Variants in CSMD1 observed in about 807,000 individuals in gnomAD.
CSMD1 encodes CUB and Sushi multiple domains 1, also known as CUB and sushi domain-containing protein 1.
CSMD1 carries 213 observed loss-of-function variants against 417.5 expected under a neutral mutation model. The ratio of observed to expected loss-of-function variants is 0.51; its 90% confidence interval spans 0.46 to 0.57. The LOEUF (loss-of-function observed/expected upper bound fraction) is 0.57, where lower values mean the gene tolerates loss of function less well. Among genes scored for constraint, CSMD1 ranks in the 20% least tolerant of loss-of-function variants. CSMD1 has a pLI of 0.00. For missense variants in CSMD1, 6,923 were observed against 4,529.7 expected, an observed-to-expected ratio of 1.53 and a Z score of -15.17; for synonymous variants, 2,862 against 1,736.8, an observed-to-expected ratio of 1.65 and a Z score of -16.11.
chr8:4,737,668 T>G (rs1309670408), intron 1 of CSMD1, among the ~76,000 whole-genome samples: 1 of 152,190 alleles, frequency 6.6e-6, no homozygotes, highest in African/African-American at 2.4e-5. Flanking sequence ...AGAGACAGGT[T>G]GGATGAATGC....
chr8:3,358,488 G>GTA (rs1808944381), intron 21 of CSMD1, among the ~76,000 whole-genome samples: 1 of 151,998 alleles, frequency 6.6e-6, no homozygotes, highest in African/African-American at 2.4e-5. Context: ...TTCTTAGAGT[G>GTA]GCACAGTTCC....
chr8:4,189,011 C>T (rs781666030), intron 3 of CSMD1, among the ~76,000 whole-genome samples: 21 of 152,156 alleles, frequency 1.4e-4, no homozygotes, highest in Non-Finnish European at 2.1e-4. Context: ...CAGAAATACA[C>T]GGTTACTGGG....
At chr8:4,013,311 G>T (rs551417965) in intron 4 of CSMD1, among the ~76,000 whole-genome samples, 1 of 151,886 alleles carries the variant, frequency 6.6e-6, no homozygotes, top group East Asian at 1.9e-4. Flanking sequence ...TCTATTCTTC[G>T]TTCACTCACC....
chr8:4,364,153 A>G (rs1248560470), intron 3 of CSMD1, among the ~76,000 whole-genome samples: 2 of 152,164 alleles, frequency 1.3e-5, no homozygotes, highest in East Asian at 3.9e-4. Flanking sequence ...TCTCTCTTGT[A>G]CTTCATAAAT....
intron 7 of CSMD1, among the ~76,000 whole-genome samples, chr8:3,675,114 CT>C (rs1054765434): frequency 2.6e-5 from 4 of 152,248 alleles, no homozygotes; most frequent in African/African-American, 9.6e-5. Context: ...ATGCAGTGGC[CT>C]CCCCTCACCA....
chr8:4,930,859 A>G (rs1005565184), intron 1 of CSMD1, among the ~76,000 whole-genome samples: 9 of 152,210 alleles, frequency 5.9e-5, no homozygotes, highest in African/African-American at 2.2e-4. Context: ...TTAATTTCTT[A>G]ATAAAGGGTT....
intron 18 of CSMD1, among the ~76,000 whole-genome samples, chr8:3,385,260 T>C (rs1810934429): frequency 6.7e-6 from 1 of 149,408 alleles, no homozygotes; most frequent in Non-Finnish European, 1.5e-5. Context: ...TGTATACATG[T>C]GTATGTATGA....
chr8:3,913,148 C>T (rs1241850945), intron 5 of CSMD1, among the ~76,000 whole-genome samples: 1 of 152,038 alleles, frequency 6.6e-6, no homozygotes, highest in Non-Finnish European at 1.5e-5. Flanking sequence ...TTTGAAGTAT[C>T]CATGTTACAT....
intron 25 of CSMD1, among the ~76,000 whole-genome samples, chr8:3,304,551 T>A (rs1804665836): frequency 6.6e-6 from 1 of 152,168 alleles, no homozygotes; most frequent in East Asian, 1.9e-4. Flanking sequence ...TAAACATGGA[T>A]GGCTACCCTC....
chr8:4,184,945 C>T (rs1022047631), intron 3 of CSMD1, among the ~76,000 whole-genome samples: 1 of 151,506 alleles, frequency 6.6e-6, no homozygotes, highest in Non-Finnish European at 1.5e-5. Flanking sequence ...CAAGACCAGC[C>T]TCCCCAATGT....
At chr8:4,565,522 G>T (rs1318940477) in intron 2 of CSMD1, among the ~76,000 whole-genome samples, 2 of 151,918 alleles carry the variant, frequency 1.3e-5, no homozygotes, top group African/African-American at 4.8e-5. Flanking sequence ...CGATCACAAG[G>T]TCAGGTGTTT....
intron 3 of CSMD1, among the ~76,000 whole-genome samples, chr8:4,040,287 T>A (rs533968453): frequency 6.6e-6 from 1 of 152,338 alleles, no homozygotes; most frequent in Non-Finnish European, 1.5e-5. Context: ...ACACACACTA[T>A]GTGCTAGACA....
chr8:3,874,294 C>G (rs1325721894), intron 5 of CSMD1, among the ~76,000 whole-genome samples: 1 of 152,148 alleles, frequency 6.6e-6, no homozygotes, highest in Non-Finnish European at 1.5e-5. Flanking sequence ...CCCTGGACCA[C>G]CTGTACTTTG....
intron 2 of CSMD1, among the ~76,000 whole-genome samples, chr8:4,634,381 G>C (rs1048574298): frequency 6.6e-6 from 1 of 151,398 alleles, no homozygotes; most frequent in Non-Finnish European, 1.5e-5. Context: ...AGTTTATTTC[G>C]AAAAAAAATA....
intron 3 of CSMD1, among the ~76,000 whole-genome samples, chr8:4,268,732 C>T (rs547957609): frequency 5.3e-5 from 8 of 151,510 alleles, no homozygotes; most frequent in South Asian, 2.1e-4. Context: ...AATACCCCCA[C>T]TTAATTCTAT....
intron 4 of CSMD1, among the ~76,000 whole-genome samples, chr8:4,027,212 G>C (rs554795855): frequency 8.5e-5 from 13 of 152,272 alleles, no homozygotes; most frequent in African/African-American, 3.1e-4. Context: ...TTGAAGGTTT[G>C]TACTTTATTC....
chr8:4,461,972 A>C (rs1799862183), intron 2 of CSMD1, among the ~76,000 whole-genome samples: 1 of 151,586 alleles, frequency 6.6e-6, no homozygotes, highest in Admixed American at 6.6e-5. Flanking sequence ...CTATCTCCCG[A>C]CCTCCTGATC....
intron 1 of CSMD1, among the ~76,000 whole-genome samples, chr8:4,779,714 T>G (rs1239435512): frequency 6.6e-6 from 1 of 152,036 alleles, no homozygotes; most frequent in Non-Finnish European, 1.5e-5. Context: ...CACGAATGTA[T>G]AAAACCAAAG....
intron 1 of CSMD1, among the ~76,000 whole-genome samples, chr8:4,779,094 C>A (rs1249518645): frequency 9.9e-5 from 15 of 152,206 alleles, no homozygotes; most frequent in Admixed American, 9.8e-4. Flanking sequence ...GCCGTATCCT[C>A]ATTTTAAAAC....
Sources: gnomAD v4.1 joint callset for allele counts (sites outside exome capture counted in the v4.1 genomes callset) on GRCh38, gnomAD v4.1.1 for gene constraint, MANE v1.5 for transcripts, NCBI Gene and HGNC (gene_info 2026-07-23, HGNC 2026-07-21) for gene names.